The following FGGY variants were observed in gnomAD, a reference collection of about 807,000 sequenced individuals.
FGGY encodes FGGY carbohydrate kinase domain-containing protein.
Under a neutral mutation model 71.3 loss-of-function variants are expected in FGGY, and 72 were observed. The observed-to-expected ratio is 1.01, with a 90% confidence interval of 0.84 to 1.23. FGGY has a LOEUF of 1.23. FGGY is among the 50% of genes most tolerant of loss of function. The pLI is 0.00. For missense variants in FGGY, 668 were observed against 682.3 expected, an observed-to-expected ratio of 0.98 and a Z score of 0.23; for synonymous variants, 251 against 250.3, an observed-to-expected ratio of 1.00 and a Z score of -0.02.
intron 5 of FGGY, among the ~76,000 whole-genome samples, chr1:59,437,720 C>T (rs2068792295): frequency 6.6e-6 from 1 of 152,178 alleles, no homozygotes; most frequent in South Asian, 2.1e-4. Flanking sequence ...TTAAAATGTT[C>T]TGTTTGGAGT....
At chr1:59,721,441 C>A (rs1360418405) in intron 14 of FGGY, among the ~76,000 whole-genome samples, 1 of 145,868 alleles carries the variant, frequency 6.9e-6, no homozygotes, top group Non-Finnish European at 1.5e-5. Flanking sequence ...TAGGTTCAAG[C>A]AATTCTCCTG....
chr1:59,572,547 G>A (rs1289085672), intron 8 of FGGY, among the ~76,000 whole-genome samples: 2 of 152,138 alleles, frequency 1.3e-5, no homozygotes. Flanking sequence ...TTCCAGTTTG[G>A]AGAACAAATT....
At chr1:59,742,260 G>A (rs149056700) in intron 14 of FGGY, among the ~76,000 whole-genome samples, 438 of 152,288 alleles carry the variant, frequency 2.9e-3, no homozygotes, top group African/African-American at 0.01. Flanking sequence ...TTCCGCTACA[G>A]AAATTCCACC....
intron 5 of FGGY, among the ~76,000 whole-genome samples, chr1:59,432,403 G>C (rs749743419): frequency 2.0e-5 from 3 of 152,190 alleles, no homozygotes; most frequent in Non-Finnish European, 2.9e-5. Context: ...GGAAGGCCTA[G>C]ACTTTTGATT....
At chr1:59,714,119 A>C (rs2097823610) in intron 14 of FGGY, among the ~76,000 whole-genome samples, 1 of 152,214 alleles carries the variant, frequency 6.6e-6, no homozygotes, top group South Asian at 2.1e-4. Context: ...CATAATTATT[A>C]ATAATAACAT....
At chr1:59,551,179 C>A (rs1480920992) in intron 7 of FGGY, among the ~76,000 whole-genome samples, 1 of 152,088 alleles carries the variant, frequency 6.6e-6, no homozygotes, top group African/African-American at 2.4e-5. Context: ...TTAAGCATTT[C>A]TGCAATATCA....
At chr1:59,672,414 C>A (rs560883511) in intron 13 of FGGY, among the ~76,000 whole-genome samples, 1 of 152,356 alleles carries the variant, frequency 6.6e-6, no homozygotes, top group African/African-American at 2.4e-5. Flanking sequence ...TACATCTTAT[C>A]ATCATCCCCA....
intron 5 of FGGY, among the ~76,000 whole-genome samples, chr1:59,423,786 A>T (rs1207251651): frequency 6.6e-6 from 1 of 152,098 alleles, no homozygotes; most frequent in Non-Finnish European, 1.5e-5. Context: ...AGGTACTTTC[A>T]TGTCTCTGTT....
At chr1:59,322,594 AT>A (rs1342339571) in intron 2 of FGGY, among the ~76,000 whole-genome samples, 1 of 152,178 alleles carries the variant, frequency 6.6e-6, no homozygotes, top group Non-Finnish European at 1.5e-5. Flanking sequence ...GGAATAGCAT[AT>A]GCAAAGGCAT....
chr1:59,687,069 C>T (rs1450064445), intron 14 of FGGY, among the ~76,000 whole-genome samples: 1 of 152,222 alleles, frequency 6.6e-6, no homozygotes, highest in East Asian at 1.9e-4. Flanking sequence ...TGCCTGTTTG[C>T]TCTCAGAGAG....
chr1:59,469,666 T>A (rs1381514525), intron 6 of FGGY, among the ~76,000 whole-genome samples: 1 of 152,066 alleles, frequency 6.6e-6, no homozygotes, highest in African/African-American at 2.4e-5. Context: ...GTCATGGGGG[T>A]TTGTTTTACA....
intron 9 of FGGY, among the ~76,000 whole-genome samples, chr1:59,614,362 G>C (rs1049114947): frequency 1.3e-5 from 2 of 151,944 alleles, no homozygotes; most frequent in Non-Finnish European, 2.9e-5. Flanking sequence ...ATCAATAAAC[G>C]TAATCCTGCA....
At chr1:59,487,247 A>G (rs1005130846) in intron 6 of FGGY, among the ~76,000 whole-genome samples, 10 of 152,204 alleles carry the variant, frequency 6.6e-5, no homozygotes, top group Non-Finnish European at 1.2e-4. Flanking sequence ...CATTATTTAT[A>G]TTGTTTAATT....
chr1:59,556,739 C>A (rs1395314847), intron 8 of FGGY, among the ~76,000 whole-genome samples: 1 of 152,146 alleles, frequency 6.6e-6, no homozygotes, highest in African/African-American at 2.4e-5. Flanking sequence ...GAGTAACATG[C>A]ATTATGTAGG....
At chr1:59,759,257 T>G (rs1390989814) in intron 15 of FGGY, among the ~76,000 whole-genome samples, 1 of 152,174 alleles carries the variant, frequency 6.6e-6, no homozygotes, top group Non-Finnish European at 1.5e-5. Flanking sequence ...TCTTTTCATT[T>G]CCTTTAACTC....
At chr1:59,749,757 G>A (rs533735613) in intron 14 of FGGY, among the ~76,000 whole-genome samples, 2 of 152,120 alleles carry the variant, frequency 1.3e-5, no homozygotes, top group Non-Finnish European at 2.9e-5. Context: ...AATAACTCAC[G>A]TGCTTCTCAT....
At chr1:59,675,152 T>C (rs1408322743) in intron 14 of FGGY, among the ~76,000 whole-genome samples, 1 of 152,020 alleles carries the variant, frequency 6.6e-6, no homozygotes, top group African/African-American at 2.4e-5. Flanking sequence ...GGCTCCCACT[T>C]CTCAACTGAA....
chr1:59,387,891 C>T (rs1339479840), intron 5 of FGGY, among the ~76,000 whole-genome samples: 1 of 152,098 alleles, frequency 6.6e-6, no homozygotes, highest in Non-Finnish European at 1.5e-5. Context: ...AAAATTAATC[C>T]TCATACTCCC....
At chr1:59,648,119 G>A (rs1454391553) in intron 11 of FGGY, among the ~76,000 whole-genome samples, 8 of 114,876 alleles carry the variant, frequency 7.0e-5, no homozygotes, top group African/African-American at 3.3e-4. Flanking sequence ...TGGTGTATAT[G>A]TGCCACATTT....
Sources: allele counts gnomAD v4.1 joint callset (sites outside exome capture counted in the v4.1 genomes callset), GRCh38; gene constraint gnomAD v4.1.1; transcripts MANE v1.5; gene names NCBI Gene and HGNC (gene_info 2026-07-23, HGNC 2026-07-21).